The following MSR1 variants were observed in gnomAD, a reference collection of about 807,000 sequenced individuals.
MSR1 encodes the protein macrophage scavenger receptor 1, also known as macrophage scavenger receptor types I and II.
MSR1 carries 53 observed loss-of-function variants against 47.2 expected under a neutral mutation model. The ratio of observed to expected loss-of-function variants is 1.12; its 90% CI spans 0.90 to 1.41. The LOEUF is 1.41. MSR1 is among the 40% of genes most tolerant of loss of function. The pLI is 0.00. For synonymous variants in MSR1, 239 were observed against 185.6 expected, an observed-to-expected ratio of 1.29 and a Z score of -2.34; for missense variants, 786 against 546.9, an observed-to-expected ratio of 1.44 and a Z score of -4.36.
At chr8:16,124,260 C>CA (rs1036964890) in intron 8 of MSR1, among the ~76,000 whole-genome samples, 4 of 152,086 alleles carry the variant, frequency 2.6e-5, no homozygotes, top group African/African-American at 7.2e-5. Context: ...TTTGAGCAGA[C>CA]AAAAAATCTT....
In MSR1 at chr8:16,110,058, C is replaced by T; in HGVS notation, c.*27G>A. 6.2e-7 allele frequency: 1 copy of T among 1,612,572 alleles called. No individual in the cohort carries two copies. The highest frequency in any genetic ancestry group is 1.1e-5 in the South Asian group (1 of 91,048). ...TAAAATCATTTTTGAGCAGCGATTT[C>T]ATAGTTGTGAATGAAAATATGATGC... On this transcript the variant is annotated 3_prime_UTR_variant, in exon 10 of 10. Transcript: ENST00000262101.
rs757465255 is a variant in MSR1, at chr8:16,177,958, G to A, written c.31C>T (p.Gln11Ter). The change falls in exon 2 of 10, where the codon CAG becomes TAG. Residue 11 changes from glutamine (Q) to a stop codon, truncating the protein, a stop_gained. Coordinates refer to ENST00000262101, the MANE Select transcript of MSR1 (RefSeq NM_138715.3). LOFTEE classifies it high-confidence loss of function. MEQWDHFHNQQEDTDSCSESV... is the reference protein window; with the variant it reads MEQWDHFHNQ ...TCGGAGCAGCTATCAGTGTCCTCCT[G>A]TTGATTGTGAAAGTGATCCCACTGC... The A allele has an allele frequency of 3.1e-6, 5 of 1,613,712 alleles. No homozygotes were observed. The Admixed American group carries it at 5.0e-5, about 16-fold the overall frequency.
chr8:16,145,002 A>T (rs577003622), intron 7 of MSR1, among the ~76,000 whole-genome samples: 7 of 152,138 alleles, frequency 4.6e-5, no homozygotes, highest in African/African-American at 1.7e-4. Flanking sequence ...TTTACCAGCT[A>T]AAAAAATACA....
intron 6 of MSR1, among the ~76,000 whole-genome samples, chr8:16,150,851 A>C (rs902489813): frequency 1.4e-5 from 2 of 142,044 alleles, no homozygotes; most frequent in African/African-American, 2.7e-5. Flanking sequence ...CATAAACATA[A>C]ACACACACAC....
intron 8 of MSR1, chr8:16,120,986 C>CA (rs1799992032): frequency 6.4e-6 from 2 of 313,432 alleles, no homozygotes; most frequent in Non-Finnish European, 1.2e-5. Context: ...GACATACAAA[C>CA]ATACAAACTT....
intron 4 of MSR1, among the ~76,000 whole-genome samples, chr8:16,166,217 C>G (rs1801304534): frequency 7.9e-6 from 1 of 127,164 alleles, no homozygotes; most frequent in African/African-American, 3.0e-5. Flanking sequence ...GTCACCCAGG[C>G]TGGAGTGCAA....
chr8:16,140,094 A>C (rs1275821115), intron 8 of MSR1: 17 of 980,278 alleles, frequency 1.7e-5, no homozygotes, highest in Non-Finnish European at 1.9e-5. Context: ...TTAATGATTG[A>C]ATGAATGGAT....
chr8:16,108,740 T>C lies in MSR1; in HGVS notation c.*1345A>G, dbSNP rs1174280166. On this transcript the variant is annotated 3_prime_UTR_variant, in exon 10 of 10. Transcript: ENST00000262101. Reference sequence around the variant, plus strand: ...AGTAGGCTGTTTACAGTAATTCCAATTCCAAGGTAAGGTTTTGCCTTTTTA... The same window carrying C: ...AGTAGGCTGTTTACAGTAATTCCAACTCCAAGGTAAGGTTTTGCCTTTTTA... 1 of 152,150 alleles carries C rather than the reference T, an allele frequency of 6.6e-6. No homozygotes were observed. Among genetic ancestry groups the C allele is most frequent in the Non-Finnish European group, 1.5e-5 (1 of 68,000 alleles). 9.4% of individuals were successfully genotyped at this position (152,150 alleles called of 1,614,324 possible).
chr8:16,139,575 C>G (rs1031666442), intron 8 of MSR1: 1 of 977,160 alleles, frequency 1.0e-6, no homozygotes, highest in African/African-American at 1.8e-5. Flanking sequence ...TAGAGAGAAA[C>G]CAAAAATATA....
chr8:16,166,570 T>A (rs1360177276), intron 4 of MSR1, among the ~76,000 whole-genome samples: 1 of 151,978 alleles, frequency 6.6e-6, no homozygotes, highest in African/African-American at 2.4e-5. Context: ...GTATTTAATT[T>A]CAAAAAATCC....
At chr8:16,164,293 A>G (rs201075420) in intron 4 of MSR1, 42 bp from the exon 5 acceptor site, 4 of 1,541,016 alleles carry the variant, frequency 2.6e-6, no homozygotes, top group African/African-American at 1.4e-5. Flanking sequence ...TGTTACATAC[A>G]TAATTATCAA....
intron 1 of MSR1, among the ~76,000 whole-genome samples, chr8:16,178,198 A>C (rs1489587427): frequency 6.6e-6 from 1 of 151,526 alleles, no homozygotes; most frequent in Non-Finnish European, 1.5e-5. Flanking sequence ...GGTGTGCTGC[A>C]CCCACAAACT....
chr8:16,115,864 G>A (rs927003124), intron 9 of MSR1, among the ~76,000 whole-genome samples: 8 of 152,072 alleles, frequency 5.3e-5, no homozygotes, highest in African/African-American at 1.4e-4. Flanking sequence ...GTGCAGGCCT[G>A]TGGTCCCGAG....
intron 3 of MSR1, among the ~76,000 whole-genome samples, chr8:16,173,655 C>G (rs962733344): frequency 2.0e-5 from 3 of 148,566 alleles, no homozygotes; most frequent in Non-Finnish European, 4.5e-5. Flanking sequence ...TTTGTTTTTT[C>G]TTTTTTTTTT....
At chr8:16,190,846 G>A (rs568890935) in intron 1 of MSR1, among the ~76,000 whole-genome samples, 1 of 151,636 alleles carries the variant, frequency 6.6e-6, no homozygotes, top group Non-Finnish European at 1.5e-5. Flanking sequence ...CTCAGACTCC[G>A]GAGTAACTGG....
At chr8:16,145,434 C>G (rs1446820085) in intron 7 of MSR1, among the ~76,000 whole-genome samples, 1 of 151,930 alleles carries the variant, frequency 6.6e-6, no homozygotes, top group Non-Finnish European at 1.5e-5. Flanking sequence ...ACATAATAAG[C>G]AAGCTTAATT....
intron 5 of MSR1, among the ~76,000 whole-genome samples, chr8:16,158,753 G>A (rs1358645903): frequency 6.6e-6 from 1 of 151,642 alleles, no homozygotes. Context: ...AGGTCTTAAA[G>A]CTAGTTGGGT....
intron 7 of MSR1, among the ~76,000 whole-genome samples, chr8:16,145,568 A>G (rs1351101481): frequency 6.6e-6 from 1 of 152,174 alleles, no homozygotes; most frequent in Non-Finnish European, 1.5e-5. Flanking sequence ...AGCCAGAGAC[A>G]TGCTTGACCC....
chr8:16,189,384 A>T (rs1211493897), intron 1 of MSR1, among the ~76,000 whole-genome samples: 2 of 118,520 alleles, frequency 1.7e-5, no homozygotes, highest in South Asian at 2.6e-4. Context: ...TATATATATA[A>T]AATCTTATTT....
Sources: gnomAD v4.1 joint callset for allele counts (sites outside exome capture counted in the v4.1 genomes callset) on GRCh38, gnomAD v4.1.1 for gene constraint, MANE v1.5 for transcripts, NCBI Gene and HGNC (gene_info 2026-07-23, HGNC 2026-07-21) for gene names.